KRCC1: variants seen among roughly 807,000 people sequenced by gnomAD.
KRCC1 encodes lysine rich coiled-coil 1.
In KRCC1, 3 loss-of-function variants were observed where a neutral mutation model predicts 7.4. The ratio of observed to expected loss-of-function variants is 0.40; its 90% CI spans 0.18 to 1.04. The LOEUF (loss-of-function observed/expected upper bound fraction) is 1.04. KRCC1 is among the 50% of genes least tolerant of loss of function. The pLI is 0.33. For synonymous variants in KRCC1, 102 were observed against 101.6 expected (o/e 1.00, Z -0.02); for missense variants, 277 against 300.9 (o/e 0.92, Z 0.59).
exon 1 of KRCC1, chr2:88,055,768 TGGATGGGAGGAGGAGGCGGAGA>T (rs1673612761): frequency 6.5e-6 from 1 of 153,828 alleles, no homozygotes; most frequent in Admixed American, 6.5e-5. Context: ...CCGAGCAGGC[TGGATGGGAGGAGGAGGCGGAGA>T]CCCGGCTTCC....
rs1673606526 is a variant in KRCC1, at chr2:88,055,658, A to G, written c.-323T>C. 6.6e-6 allele frequency: 1 copy of G among 152,016 alleles called. No individual in the cohort carries two copies. Among genetic ancestry groups the G allele is most frequent in the African/African-American group, 2.4e-5 (1 of 41,312 alleles). 9.4% of individuals were successfully genotyped at this position (152,016 alleles called of 1,614,324 possible). On this transcript the variant is annotated 5_prime_UTR_variant, in exon 1 of 4. Transcript: ENST00000347055. ...GAGGCAGGGGCGGGCGTCTACAACT[A>G]CTGTCCCCCGCCCCGCCAACGCCGC... is the stretch of plus-strand genomic sequence containing the variant.
At chr2:88,032,985 G>A (rs1206182343) in intron 3 of KRCC1, among the ~76,000 whole-genome samples, 1 of 152,006 alleles carries the variant, frequency 6.6e-6, no homozygotes. Flanking sequence ...GAGTACATAC[G>A]ATATGATTCC....
At chr2:88,031,798 T>C (rs949447790) in intron 3 of KRCC1, among the ~76,000 whole-genome samples, 21 of 151,936 alleles carry the variant, frequency 1.4e-4, no homozygotes, top group Admixed American at 3.9e-4. Context: ...AGTGAAAAAA[T>C]TACAGTAAGC....
chr2:88,040,927 A>C (rs752859283), intron 1 of KRCC1, among the ~76,000 whole-genome samples: 1 of 152,230 alleles, frequency 6.6e-6, no homozygotes, highest in Non-Finnish European at 1.5e-5. Context: ...TGGAGGACAG[A>C]AGGGCATTAG....
intron 1 of KRCC1, among the ~76,000 whole-genome samples, 182 bp downstream of exon 1, chr2:88,055,444 C>T (rs1163530581): frequency 6.6e-6 from 1 of 152,020 alleles, no homozygotes; most frequent in Non-Finnish European, 1.5e-5. Context: ...CTCGGAAGCC[C>T]TGGCGTCTCT....
At chr2:88,052,795 G>A (rs971559311) in intron 1 of KRCC1, among the ~76,000 whole-genome samples, 2 of 152,124 alleles carry the variant, frequency 1.3e-5, no homozygotes, top group African/African-American at 4.8e-5. Flanking sequence ...GTATACTTGT[G>A]TCTGCAAAAT....
chr2:88,031,955 C>A (rs567951986), intron 3 of KRCC1, among the ~76,000 whole-genome samples: 1 of 151,710 alleles, frequency 6.6e-6, no homozygotes, highest in African/African-American at 2.4e-5. Context: ...CCAGCCTGGC[C>A]GACATGGTGA....
At chr2:88,028,642 C>G in intron 3 of KRCC1, 57 bp from the exon 4 acceptor site, 5 of 682,150 alleles carry the variant, frequency 7.3e-6, no homozygotes, top group Non-Finnish European at 1.1e-5. Context: ...ATTTCCTTTG[C>G]TCTTTTTTTT....
chr2:88,049,644 TG>T (rs1673423923), intron 1 of KRCC1, among the ~76,000 whole-genome samples: 2 of 152,190 alleles, frequency 1.3e-5, no homozygotes, highest in Non-Finnish European at 2.9e-5. Flanking sequence ...AGTGAGACCC[TG>T]TCTCAAAAGA....
intron 3 of KRCC1, among the ~76,000 whole-genome samples, chr2:88,031,057 C>A (rs542316082): frequency 2.3e-4 from 26 of 113,602 alleles, no homozygotes; most frequent in African/African-American, 8.3e-4. Context: ...ATTTACTATA[C>A]TATATTTTAA....
chr2:88,038,148 C>T (rs1023960583), intron 1 of KRCC1, among the ~76,000 whole-genome samples: 6 of 152,094 alleles, frequency 3.9e-5, no homozygotes, highest in Non-Finnish European at 2.9e-5. Flanking sequence ...GTATAAACAA[C>T]CCAACATATA....
At chr2:88,051,697 G>A (rs576568324) in intron 1 of KRCC1, among the ~76,000 whole-genome samples, 21 of 152,294 alleles carry the variant, frequency 1.4e-4, no homozygotes, top group Middle Eastern at 3.4e-3. Context: ...AACCTTAACA[G>A]AGATTACTCT....
At chr2:88,042,490 C>G (rs1242000200) in intron 1 of KRCC1, among the ~76,000 whole-genome samples, 1 of 148,888 alleles carries the variant, frequency 6.7e-6, no homozygotes, top group Non-Finnish European at 1.5e-5. Context: ...ATGATCATAG[C>G]TCGCTGCAGC....
chr2:88,039,336 T>C (rs1347468732), intron 1 of KRCC1, among the ~76,000 whole-genome samples: 1 of 152,204 alleles, frequency 6.6e-6, no homozygotes, highest in Non-Finnish European at 1.5e-5. Context: ...AAAAATATTA[T>C]GTGCTCAAGA....
At chr2:88,028,621 T>C in intron 3 of KRCC1, 36 bp from the exon 4 acceptor site, 3 of 1,221,220 alleles carry the variant, frequency 2.5e-6, no homozygotes, top group Non-Finnish European at 3.5e-6. Context: ...CCAGATCATC[T>C]TGTCCTGAGC....
At position 88,043,846 on chromosome 2, in the gene KRCC1, A is replaced by G. The variant is rs1301448066; in HGVS notation, c.-290-6795T>C. On this transcript the variant is annotated intron_variant, in intron 1 of 3. Transcript: ENST00000347055. ...CAGCAAGCCCAGCTAATTTTTTTGT[A>G]TTTTTTTAAGTAGAGATGGGGCTTC... 7.2e-5 allele frequency among the ~76,000 whole-genome samples: 11 copies of G among 151,934 alleles called. No homozygotes were observed. The East Asian group carries it at 1.6e-3, about 21-fold the overall frequency.
intron 1 of KRCC1, among the ~76,000 whole-genome samples, chr2:88,050,771 A>G (rs1482605356): frequency 3.3e-5 from 5 of 152,222 alleles, no homozygotes; most frequent in African/African-American, 7.2e-5. Flanking sequence ...AATAAATTAC[A>G]AAGTGTCCTG....
chr2:88,049,735 C>G (rs745490569), intron 1 of KRCC1, among the ~76,000 whole-genome samples: 2 of 152,242 alleles, frequency 1.3e-5, no homozygotes, highest in Non-Finnish European at 2.9e-5. Context: ...AATTCTTAGT[C>G]ATTTTAACAT....
At chr2:88,037,230 A>G (rs554294903) in intron 1 of KRCC1, among the ~76,000 whole-genome samples, 179 bp from the exon 2 acceptor site, 49 of 152,216 alleles carry the variant, frequency 3.2e-4, no homozygotes, top group Non-Finnish European at 6.8e-4. Flanking sequence ...AATATTTAGT[A>G]AGACTGTAAT....
Sources: allele counts gnomAD v4.1 joint callset (sites outside exome capture counted in the v4.1 genomes callset), GRCh38; gene constraint gnomAD v4.1.1; transcripts MANE v1.5; gene names NCBI Gene and HGNC (gene_info 2026-07-23, HGNC 2026-07-21).